Variants in ATG7 observed in about 807,000 individuals in gnomAD.
ATG7 encodes the protein autophagy related 7, also known as ubiquitin-like modifier-activating enzyme ATG7.
ATG7 carries 70 observed loss-of-function variants against 82.4 expected under a neutral mutation model. The observed-to-expected ratio is 0.85, with a 90% CI of 0.70 to 1.04. The LOEUF (loss-of-function observed/expected upper bound fraction) is 1.04, where lower values mean the gene tolerates loss of function less well. Ranked by LOEUF, ATG7 falls within the 50% of genes least tolerant of loss-of-function variation. ATG7 has a pLI of 0.00. For synonymous variants in ATG7, 287 were observed against 313.0 expected (o/e 0.92, Z 0.88); for missense variants, 792 against 864.3 (o/e 0.92, Z 1.05).
At chr3:11,486,052 T>G (rs530956277) in intron 20 of ATG7, among the ~76,000 whole-genome samples, 1 of 152,162 alleles carries the variant, frequency 6.6e-6, no homozygotes, top group East Asian at 1.9e-4. Flanking sequence ...TATGAACTTT[T>G]AAGTAGTTTT....
intron 20 of ATG7, among the ~76,000 whole-genome samples, chr3:11,491,898 G>A (rs1161214504): frequency 6.6e-6 from 1 of 152,180 alleles, no homozygotes; most frequent in Non-Finnish European, 1.5e-5. Context: ...GTTTGCAGAG[G>A]TTACTGCTGT....
chr3:11,419,690 G>T (rs886201821), intron 19 of ATG7, among the ~76,000 whole-genome samples: 1 of 152,206 alleles, frequency 6.6e-6, no homozygotes, highest in Non-Finnish European at 1.5e-5. Flanking sequence ...AGAAGGGTGT[G>T]GGGGCGCTGA....
chr3:11,363,135 T>C, intron 17 of ATG7: 1 of 534,764 alleles, frequency 1.9e-6, no homozygotes, highest in South Asian at 2.1e-5. Flanking sequence ...TCTGCATCTT[T>C]CCGGACAAAG....
At chr3:11,397,207 AGATAT>A (rs1225356526) in intron 19 of ATG7, among the ~76,000 whole-genome samples, 4 of 152,196 alleles carry the variant, frequency 2.6e-5, no homozygotes, top group Non-Finnish European at 4.4e-5. Context: ...ACTGAAAATA[AGATAT>A]AAGAACATAA....
chr3:11,451,690 C>T (rs778633774), intron 20 of ATG7, among the ~76,000 whole-genome samples: 1 of 150,690 alleles, frequency 6.6e-6, no homozygotes, highest in South Asian at 2.1e-4. Flanking sequence ...ACTATGAAGG[C>T]GGACACAGAT....
chr3:11,519,619 G>A (rs1214487391), intron 20 of ATG7, among the ~76,000 whole-genome samples: 2 of 137,278 alleles, frequency 1.5e-5, no homozygotes, highest in African/African-American at 5.5e-5. Context: ...GAGTGCAGTG[G>A]GGCGATCTTG....
chr3:11,353,604 A>G lies in ATG7; in HGVS notation c.1285-4814A>G, dbSNP rs555939031. Reference sequence around the variant, plus strand: ...TTTGGGTCATGGAGGTGGATCCCTCATGAATGGCTTGGTGCCCTCTCCACA... The same window carrying G: ...TTTGGGTCATGGAGGTGGATCCCTCGTGAATGGCTTGGTGCCCTCTCCACA... On this transcript the variant is annotated intron_variant, in intron 14 of 20. Transcript: ENST00000693202. 2.0e-5 allele frequency among the ~76,000 whole-genome samples: 3 copies of G among 152,316 alleles called. No homozygotes were observed. The East Asian group carries it at 5.8e-4, about 29-fold the overall frequency.
At chr3:11,368,229 TAAAAAAAAAAA>T (rs760208581) in intron 18 of ATG7, among the ~76,000 whole-genome samples, 2 of 109,340 alleles carry the variant, frequency 1.8e-5, no homozygotes, top group Non-Finnish European at 3.8e-5. Flanking sequence ...TTCTTTTACT[TAAAAAAAAAAA>T]AAAAAAAAAA....
At chr3:11,507,141 G>C (rs2153070191) in intron 20 of ATG7, among the ~76,000 whole-genome samples, 1 of 152,234 alleles carries the variant, frequency 6.6e-6, no homozygotes, top group East Asian at 1.9e-4. Context: ...AATTAGCCAG[G>C]TGAGGTGGCA....
the ATG7 span, among the ~76,000 whole-genome samples, chr3:11,575,057 G>A: frequency 9.9e-5 from 15 of 152,164 alleles, no homozygotes; most frequent in South Asian, 6.2e-4. Context: ...TTCAACGCTC[G>A]TGCCAACCCC....
chr3:11,470,150 A>C (rs2087323890), intron 20 of ATG7, among the ~76,000 whole-genome samples: 1 of 152,148 alleles, frequency 6.6e-6, no homozygotes, highest in African/African-American at 2.4e-5. Flanking sequence ...TGGTGTGAGT[A>C]TGTCTTTGTT....
chr3:11,448,168 C>T (rs1378805626), intron 20 of ATG7, among the ~76,000 whole-genome samples: 2 of 152,208 alleles, frequency 1.3e-5, no homozygotes, highest in African/African-American at 2.4e-5. Context: ...TTCACTGAGG[C>T]TTTGAAAAAA....
intron 20 of ATG7, among the ~76,000 whole-genome samples, chr3:11,453,298 A>G (rs1029610913): frequency 1.3e-5 from 2 of 152,256 alleles, no homozygotes; most frequent in Non-Finnish European, 2.9e-5. Flanking sequence ...TTTTCCACCT[A>G]GAAGCAAGCC....
chr3:11,362,998 A>G lies in ATG7; in HGVS notation c.1799+70A>G, dbSNP rs1041810092. On this transcript the variant is annotated intron_variant, in intron 17 of 20. Coordinates refer to ENST00000693202, the MANE Select transcript of ATG7 (RefSeq NM_001349232.2). ...AGGCAGTTGTTCATCAGTGTCTCCC[A>G]TGGCCTTTTCTCAGTCTGACTTTAC... 1.6e-5 allele frequency: 21 copies of G among 1,342,508 alleles called. No homozygotes were observed. In the South Asian group the frequency reaches 1.9e-4, roughly 12 times the overall value. The allele number at this position is 1,342,508 out of a possible 1,614,324, so 83.2% of individuals were successfully genotyped here.
At chr3:11,318,653 C>A (rs931219019) in intron 9 of ATG7, among the ~76,000 whole-genome samples, 2 of 152,162 alleles carry the variant, frequency 1.3e-5, no homozygotes, top group African/African-American at 4.8e-5. Context: ...TTCGGGATAA[C>A]GTTAAAACTA....
At chr3:11,574,001 A>G in the ATG7 span, among the ~76,000 whole-genome samples, 2 of 152,232 alleles carry the variant, frequency 1.3e-5, no homozygotes, top group African/African-American at 2.4e-5. Flanking sequence ...ACCGTCATCA[A>G]CAAGCCATGG....
intron 11 of ATG7, among the ~76,000 whole-genome samples, chr3:11,337,959 TA>T (rs531418272): frequency 1.6e-4 from 24 of 149,286 alleles, no homozygotes; most frequent in South Asian, 4.2e-4. Flanking sequence ...AAAGACACAT[TA>T]AAAAAAAAAC....
At chr3:11,406,070 A>C (rs1158149425) in intron 19 of ATG7, among the ~76,000 whole-genome samples, 1 of 148,004 alleles carries the variant, frequency 6.8e-6, no homozygotes, top group Non-Finnish European at 1.5e-5. Flanking sequence ...GCTCACTGCA[A>C]CCTCTGCCTC....
intron 19 of ATG7, among the ~76,000 whole-genome samples, chr3:11,424,233 TAAACAA>T (rs1273105161): frequency 1.3e-5 from 2 of 152,176 alleles, no homozygotes; most frequent in Non-Finnish European, 2.9e-5. Context: ...GCCTCAGCAC[TAAACAA>T]AAACAAAAAC....
Sources: gnomAD v4.1 joint callset for allele counts (sites outside exome capture counted in the v4.1 genomes callset) on GRCh38, gnomAD v4.1.1 for gene constraint, MANE v1.5 for transcripts, NCBI Gene and HGNC (gene_info 2026-07-23, HGNC 2026-07-21) for gene names.